The following MAD1L1 variants were observed in gnomAD, a reference collection of about 807,000 sequenced individuals.
The protein encoded by MAD1L1 is mitotic spindle assembly checkpoint protein MAD1.
Under a neutral mutation model 96.9 loss-of-function variants are expected in MAD1L1, and 95 were observed. That is an observed-to-expected ratio of 0.98 (90% CI 0.83 to 1.16). The LOEUF (loss-of-function observed/expected upper bound fraction) is 1.16, where lower values mean the gene tolerates loss of function less well. Ranked by LOEUF, MAD1L1 falls within the 50% of genes most tolerant of loss-of-function variation. The pLI is 0.00. For missense variants in MAD1L1, 1,007 were observed against 954.4 expected, an observed-to-expected ratio of 1.06 and a Z score of -0.73; for synonymous variants, 473 against 396.6, an observed-to-expected ratio of 1.19 and a Z score of -2.29.
intron 11 of MAD1L1, among the ~76,000 whole-genome samples, chr7:2,123,029 C>G (rs970455625): frequency 2.0e-5 from 3 of 152,144 alleles, no homozygotes; most frequent in African/African-American, 7.2e-5. Flanking sequence ...GGGAGCCGGG[C>G]GCAGTGGCTC....
chr7:2,044,584 T>A (rs1783837079), intron 12 of MAD1L1, among the ~76,000 whole-genome samples: 1 of 151,624 alleles, frequency 6.6e-6, no homozygotes, highest in Non-Finnish European at 1.5e-5. Flanking sequence ...AGCACGGGGG[T>A]GCGGCCGGGA....
chr7:2,199,811 C>T (rs1488916516), intron 10 of MAD1L1, among the ~76,000 whole-genome samples: 1 of 152,246 alleles, frequency 6.6e-6, no homozygotes, highest in Admixed American at 6.5e-5. Flanking sequence ...CACAACCCAA[C>T]CCACCACCCA....
At chr7:2,163,236 G>GA (rs1480596916) in intron 10 of MAD1L1, among the ~76,000 whole-genome samples, 1 of 152,242 alleles carries the variant, frequency 6.6e-6, no homozygotes, top group African/African-American at 2.4e-5. Context: ...CAAAACTCAG[G>GA]AGTGATCACA....
Position 1,864,501 on chromosome 7 carries a change from G to A in MAD1L1, c.1998+33699C>T, listed in dbSNP as rs1246911480. ...ACCCCCCTGCCGGGAGTCTTTAAAGGGTGGATTTGCAAAGTCCCCATGACA... is the reference window on the plus strand; with the variant it reads ...ACCCCCCTGCCGGGAGTCTTTAAAGAGTGGATTTGCAAAGTCCCCATGACA... On this transcript the variant is annotated intron_variant, in intron 18 of 18. Transcript: ENST00000265854. Among the ~76,000 whole-genome samples, 4 of 152,194 alleles carry A rather than the reference G, an allele frequency of 2.6e-5. No individual in the cohort carries two copies. In the East Asian group the frequency reaches 5.8e-4, roughly 22 times the overall value.
chr7:2,112,142 T>C (rs1476888), intron 11 of MAD1L1, among the ~76,000 whole-genome samples: 152,240 of 152,240 alleles, frequency 1, 76,120 homozygotes, highest in Non-Finnish European at 1. Context: ...AAAGATGCCA[T>C]ATTTGTATGA....
At chr7:2,021,695 G>T (rs771225138) in intron 12 of MAD1L1, among the ~76,000 whole-genome samples, 1 of 152,104 alleles carries the variant, frequency 6.6e-6, no homozygotes, top group Non-Finnish European at 1.5e-5. Flanking sequence ...AACCCAGGAA[G>T]TGGAGGCTAT....
At chr7:2,164,604 G>A (rs1048296140) in intron 10 of MAD1L1, among the ~76,000 whole-genome samples, 4 of 145,840 alleles carry the variant, frequency 2.7e-5, no homozygotes, top group Non-Finnish European at 6.0e-5. Flanking sequence ...GGGGGGGGGG[G>A]GGGTTGCGGG....
chr7:1,975,110 G>A (rs1021252732), intron 15 of MAD1L1, among the ~76,000 whole-genome samples: 1 of 152,228 alleles, frequency 6.6e-6, no homozygotes, highest in African/African-American at 2.4e-5. Flanking sequence ...GCCCAGCCAG[G>A]TGGAGGCAGC....
chr7:2,069,196 T>G lies in MAD1L1; in HGVS notation c.1216A>C (p.Lys406Gln), dbSNP rs1206628159. Residue 406 changes from lysine to glutamine, a missense_variant and splice_region_variant, in exon 12 of 19, where the codon AAG becomes CAG. By Grantham distance (53) the Lys-to-Gln change is moderately conservative (BLOSUM62 1). Coordinates refer to ENST00000265854, the MANE Select transcript of MAD1L1 (RefSeq NM_001013836.2). ...CAAGATGTAAGGGCATACATCACCTTGGTGAGCAGCAGGACCCGTTTCTGG... is the reference window on the plus strand; with the variant it reads ...CAAGATGTAAGGGCATACATCACCTGGGTGAGCAGCAGGACCCGTTTCTGG... Reference protein sequence around the residue: ...RLQKRVLLLTKERDGMRAILG... With the variant: ...RLQKRVLLLTQERDGMRAILG... 1 of 1,591,662 alleles carries G rather than the reference T, an allele frequency of 6.3e-7. No homozygotes were observed. Among genetic ancestry groups the G allele is most frequent in the Admixed American group, 1.7e-5 (1 of 57,338 alleles).
intron 11 of MAD1L1, among the ~76,000 whole-genome samples, chr7:2,116,741 G>C (rs992492545): frequency 6.6e-6 from 1 of 152,222 alleles, no homozygotes; most frequent in Non-Finnish European, 1.5e-5. Context: ...CAGACCCAAC[G>C]GGGAGGAAGG....
rs1272469882 is a variant in MAD1L1, at chr7:2,102,320, C to T, written c.1074-32982G>A. 2.7e-5 allele frequency among the ~76,000 whole-genome samples: 4 copies of T among 150,410 alleles called. No individual in the cohort carries two copies. The East Asian group carries it at 7.8e-4, about 29-fold the overall frequency. On this transcript the variant is annotated intron_variant, in intron 11 of 18. Transcript: ENST00000265854. ...TCACCATCACCACCGTCACCATCAC[C>T]GCCGTCACCATCACCATCACCACCG...
intron 10 of MAD1L1, among the ~76,000 whole-genome samples, chr7:2,210,574 G>A (rs1057024967): frequency 5.3e-5 from 8 of 151,962 alleles, no homozygotes; most frequent in East Asian, 3.9e-4. Flanking sequence ...CCGCCAGCCC[G>A]CATTCCCGTG....
chr7:2,062,208 C>T (rs1470820281), intron 12 of MAD1L1, among the ~76,000 whole-genome samples: 2 of 147,204 alleles, frequency 1.4e-5, no homozygotes. Context: ...CGCCACTGCA[C>T]TCCAGCCTGG....
At chr7:1,864,208 A>G (rs1305357761) in intron 18 of MAD1L1, among the ~76,000 whole-genome samples, 2 of 152,150 alleles carry the variant, frequency 1.3e-5, no homozygotes, top group African/African-American at 4.8e-5. Context: ...ACAGTTGGGG[A>G]GCCGCTTTCC....
intron 14 of MAD1L1, among the ~76,000 whole-genome samples, chr7:1,983,763 G>T (rs1781031109): frequency 6.6e-6 from 1 of 152,212 alleles, no homozygotes; most frequent in Non-Finnish European, 1.5e-5. Flanking sequence ...CTCCTGCTCA[G>T]TCAATAGCTC....
intron 10 of MAD1L1, among the ~76,000 whole-genome samples, chr7:2,167,555 T>TAATAAC (rs759087804): frequency 1.3e-5 from 2 of 149,634 alleles, no homozygotes; most frequent in African/African-American, 4.9e-5. Flanking sequence ...TCTCAAAAAA[T>TAATAAC]AATAATAATA....
intron 18 of MAD1L1, among the ~76,000 whole-genome samples, chr7:1,863,657 GCTGCC>G (rs1252478139): frequency 2.6e-5 from 4 of 152,326 alleles, no homozygotes; most frequent in East Asian, 3.9e-4. Context: ...TGTGTTCTCA[GCTGCC>G]CTGCCCTGCC....
chr7:1,986,486 C>G (rs985831226), intron 14 of MAD1L1, among the ~76,000 whole-genome samples: 2 of 147,898 alleles, frequency 1.4e-5, no homozygotes, highest in African/African-American at 5.0e-5. Flanking sequence ...TTCTACTCCG[C>G]GGCTCCCTCG....
At chr7:2,042,106 T>TGC (rs1554341843) in intron 12 of MAD1L1, among the ~76,000 whole-genome samples, 5 of 142,168 alleles carry the variant, frequency 3.5e-5, no homozygotes, top group East Asian at 2.1e-4. Flanking sequence ...CACGCACATG[T>TGC]GCACACACAC....
Sources: gnomAD v4.1 joint callset for allele counts (sites outside exome capture counted in the v4.1 genomes callset) on GRCh38, gnomAD v4.1.1 for gene constraint, MANE v1.5 for transcripts, NCBI Gene and HGNC (gene_info 2026-07-23, HGNC 2026-07-21) for gene names.